The following ZNF653 variants were observed in gnomAD, a reference collection of about 807,000 sequenced individuals.
The protein encoded by ZNF653 is zinc finger protein 653.
A neutral mutation model predicts 59.9 loss-of-function variants in ZNF653; 37 were observed. The ratio of observed to expected loss-of-function variants is 0.62; its 90% CI spans 0.48 to 0.81. ZNF653 has a LOEUF of 0.81. Ranked by LOEUF, ZNF653 falls within the 40% of genes least tolerant of loss-of-function variation. The probability of loss-of-function intolerance (pLI) is 0.00; values close to 1 mark genes in which losing one functional copy is unlikely to be tolerated. For synonymous variants in ZNF653, 435 were observed against 371.8 expected, an observed-to-expected ratio of 1.17 and a Z score of -1.96; for missense variants, 808 against 881.1, an observed-to-expected ratio of 0.92 and a Z score of 1.05.
chr19:11,497,970 A>G (rs778961260), intron 2 of ZNF653, among the ~76,000 whole-genome samples: 2 of 152,052 alleles, frequency 1.3e-5, no homozygotes, highest in Non-Finnish European at 2.9e-5. Context: ...GCTCTCACCA[A>G]CTGGTGGCCA....
intron 1 of ZNF653, chr19:11,504,687 C>A (rs1281350129): frequency 2.1e-6 from 1 of 466,408 alleles, no homozygotes; most frequent in Non-Finnish European, 2.8e-6. Context: ...CCTTGCGGCA[C>A]TGCTTGTGAT....
chr19:11,486,371 C>A (rs1489827202), intron 6 of ZNF653, among the ~76,000 whole-genome samples: 1 of 152,186 alleles, frequency 6.6e-6, no homozygotes, highest in Admixed American at 6.5e-5. Context: ...AACTGAGGTT[C>A]AAGGCTCTGT....
intron 3 of ZNF653, among the ~76,000 whole-genome samples, chr19:11,490,170 C>T (rs1971515835): frequency 6.6e-6 from 1 of 152,194 alleles, no homozygotes; most frequent in Non-Finnish European, 1.5e-5. Context: ...GTTAGAACAA[C>T]TCACAGAACT....
rs535690745 is a variant in ZNF653, at chr19:11,492,754, C to T, written c.559+3196G>A. Among the ~76,000 whole-genome samples the T allele has an allele frequency of 2.6e-5, 4 of 152,284 alleles. No individual in the cohort carries two copies. In the East Asian group the frequency reaches 7.7e-4, roughly 29 times the overall value. On this transcript the variant is annotated intron_variant, in intron 3 of 8. Transcript: ENST00000293771. ...TGCAGAGCCCCCAGTGCCGAGAAGG[C>T]TGTGTGGTGCACAGTGAGGGCTCGT...
intron 3 of ZNF653, among the ~76,000 whole-genome samples, chr19:11,492,662 T>C (rs566549295): frequency 1.3e-5 from 2 of 152,206 alleles, no homozygotes; most frequent in East Asian, 3.9e-4. Context: ...ATATTTTTAT[T>C]GGTTTATCCT....
In ZNF653 at chr19:11,487,424, C is replaced by G. The variant is rs756913310; in HGVS notation, c.1039G>C (p.Gly347Arg). 9 of 1,612,256 alleles carry G rather than the reference C, an allele frequency of 5.6e-6. No individual in the cohort carries two copies. Among genetic ancestry groups the G allele is most frequent in the Non-Finnish European group, 6.8e-6 (8 of 1,179,944 alleles). Residue 347 changes from glycine (G) to arginine (R), a missense_variant, in exon 4 of 9, where the codon GGC becomes CGC. Physicochemically the swap from Gly to Arg is moderately radical, Grantham distance 125 (BLOSUM62 -2). Coordinates refer to ENST00000293771, the MANE Select transcript of ZNF653 (RefSeq NM_138783.4). The surrounding 1 kb of genome is among the most constrained non-coding windows in gnomAD (Gnocchi z 5.1). Reference protein sequence around the residue: ...LNMAAGSGVPGSGLGEEVPCA... With the variant: ...LNMAAGSGVPRSGLGEEVPCA... ...GGCACCTCCTCGCCCAGTCCACTGC[C>G]GGGGACACCGCTGCCTGCTGCCATG...
At chr19:11,505,418 G>T (rs906115098) in intron 1 of ZNF653, 70 bp downstream of exon 1, 20 of 1,345,876 alleles carry the variant, frequency 1.5e-5, no homozygotes, top group Non-Finnish European at 1.7e-5. Flanking sequence ...GAAGCGGAGG[G>T]GGCGGGGTAA....
chr19:11,483,587 G>T lies in ZNF653; in HGVS notation c.*95C>A. 6.8e-7 allele frequency: 1 copy of T among 1,471,932 alleles called. No individual in the cohort carries two copies. The highest frequency in any genetic ancestry group is 9.0e-7 in the Non-Finnish European group (1 of 1,106,460). The allele number at this position is 1,471,932 out of a possible 1,614,324, so 91.2% of individuals were successfully genotyped here. ...GCGGGGGCGCCTCCTTCCGGCCCGCGGTCCGGGCGGCCCTCGCAGCTGTCC... is the reference window on the plus strand; with the variant it reads ...GCGGGGGCGCCTCCTTCCGGCCCGCTGTCCGGGCGGCCCTCGCAGCTGTCC... On this transcript the variant is annotated 3_prime_UTR_variant, in exon 9 of 9. Transcript: ENST00000293771.
rs545308368 is a variant in ZNF653, at chr19:11,495,646, G to A, written c.559+304C>T. ...GCCCTGCCCCAGCAGGCCTGCCCCC[G>A]CCCCAGCTGCCAAGCCAGGGCTCCT... On this transcript the variant is annotated intron_variant, in intron 3 of 8. Coordinates refer to ENST00000293771, the MANE Select transcript of ZNF653 (RefSeq NM_138783.4). The surrounding 1 kb of genome is among the most constrained non-coding windows in gnomAD (Gnocchi z 4.9). The A allele has an allele frequency of 1.9e-5, 8 of 410,558 alleles. No individual in the cohort carries two copies. Among genetic ancestry groups the A allele is most frequent in the East Asian group, 1.0e-4 (2 of 19,088 alleles). 25.4% of individuals were successfully genotyped at this position (410,558 alleles called of 1,614,324 possible). A position where few individuals can be genotyped will look rare whatever the true frequency, so the allele number is the denominator to read the frequency against.
chr19:11,487,022 T>G lies in ZNF653; in HGVS notation c.1308A>C (p.Ser436=), dbSNP rs756161189. ...DGEELDGSDM[S]AIIYEIPKEP... ...CCTTGGGGATTTCATAGATGATGGC[T>G]GACATGTCGCTGCCGTCCAGCTCCT... The change falls in exon 5 of 9, where the codon TCA becomes TCC. Residue 436 remains serine (S), a synonymous_variant. Transcript: ENST00000293771. This position sits in a 1 kb window ranked among gnomAD's most constrained non-coding sequence, Gnocchi z 5.1. The G allele has an allele frequency of 3.1e-6, 5 of 1,614,140 alleles. No homozygotes were observed. In the East Asian group the frequency reaches 1.1e-4, roughly 36 times the overall value.
Position 11,491,705 on chromosome 19 carries a change from A to G in ZNF653, c.560-3802T>C, listed in dbSNP as rs372102257. On this transcript the variant is annotated intron_variant, in intron 3 of 8. Coordinates refer to ENST00000293771, the MANE Select transcript of ZNF653 (RefSeq NM_138783.4). Reference sequence around the variant, plus strand: ...CAGGTTCACACCATTCTCCTGCCTCAGCCTCCCAAGTAGCTGGGACTACAG... The same window carrying G: ...CAGGTTCACACCATTCTCCTGCCTCGGCCTCCCAAGTAGCTGGGACTACAG... Among the ~76,000 whole-genome samples the G allele has an allele frequency of 3.6e-4, 55 of 151,868 alleles. 1 individual carries two copies. In the South Asian group the frequency reaches 9.3e-3, roughly 26 times the overall value.
chr19:11,505,042 A>C (rs1373082659), intron 1 of ZNF653: 1 of 162,768 alleles, frequency 6.1e-6, no homozygotes, highest in African/African-American at 2.4e-5. Flanking sequence ...ACGGAGTCCC[A>C]GATGGGGCAC....
Position 11,505,773 on chromosome 19 carries a change from GC to G in ZNF653, c.13del (p.Ala5ArgfsTer2). The G allele has an allele frequency of 7.2e-7, 1 of 1,391,472 alleles. No homozygotes were observed. The highest frequency in any genetic ancestry group is 9.2e-7 in the Non-Finnish European group (1 of 1,082,622). The allele number at this position is 1,391,472 out of a possible 1,614,324, so 86.2% of individuals were successfully genotyped here. A position where few individuals can be genotyped will look rare whatever the true frequency, so the allele number is the denominator to read the frequency against. The stretch of plus-strand genomic sequence containing the variant: ...CTCCGCCTCCGCCTCGGGCTCTAGC[GC>G]CCGCTCCGCCATCCCCCCCACCCTG... MAER[A>X]LEPEAEAEAE... On this transcript the variant is annotated frameshift_variant, in exon 1 of 9. Transcript: ENST00000293771. LOFTEE classifies it high-confidence loss of function.
chr19:11,488,135 G>C (rs1971491314), intron 3 of ZNF653, among the ~76,000 whole-genome samples: 2 of 145,202 alleles, frequency 1.4e-5, no homozygotes, highest in Admixed American at 6.9e-5. Context: ...CTACAGGTGT[G>C]CGCCACCACA....
chr19:11,484,603 G>T (rs1423904513), intron 7 of ZNF653, among the ~76,000 whole-genome samples: 1 of 151,840 alleles, frequency 6.6e-6, no homozygotes, highest in Non-Finnish European at 1.5e-5. Flanking sequence ...TAGAGACGGG[G>T]TTTCTCTATG....
Position 11,491,778 on chromosome 19 carries a change from C to T in ZNF653, c.560-3875G>A, listed in dbSNP as rs568689343. Among the ~76,000 whole-genome samples, 30 of 152,000 alleles carry T rather than the reference C, an allele frequency of 2.0e-4. No individual in the cohort carries two copies. In the East Asian group the frequency reaches 3.7e-3, roughly 19 times the overall value. On this transcript the variant is annotated intron_variant, in intron 3 of 8. Transcript: ENST00000293771. ...ATTTTTAGTAGAGACAGGGTTTCACCGTGTTAGCCAGGATGGTCTCGATCT... is the reference window on the plus strand; with the variant it reads ...ATTTTTAGTAGAGACAGGGTTTCACTGTGTTAGCCAGGATGGTCTCGATCT...
intron 3 of ZNF653, among the ~76,000 whole-genome samples, chr19:11,489,004 AT>A (rs1568394300): frequency 6.6e-6 from 1 of 150,800 alleles, no homozygotes; most frequent in East Asian, 1.9e-4. Context: ...GGTTCAAGCG[AT>A]TCTCCTGCCT....
In ZNF653 at chr19:11,495,730, A is replaced by C. The variant is rs1971579727; in HGVS notation, c.559+220T>G. On this transcript the variant is annotated intron_variant, in intron 3 of 8. Coordinates refer to ENST00000293771, the MANE Select transcript of ZNF653 (RefSeq NM_138783.4). This position sits in a 1 kb window ranked among gnomAD's most constrained non-coding sequence, Gnocchi z 4.9. Reference sequence around the variant, plus strand: ...TGGGCACAGATTGGCAAACTGCTCCATAAAGAGGGACTGCCTCCCCACTCA... The same window carrying C: ...TGGGCACAGATTGGCAAACTGCTCCCTAAAGAGGGACTGCCTCCCCACTCA... The C allele has an allele frequency of 1.8e-6, 1 of 563,220 alleles. No individual in the cohort carries two copies. Among genetic ancestry groups the C allele is most frequent in the South Asian group, 2.0e-5 (1 of 49,670 alleles). The allele number at this position is 563,220 out of a possible 1,614,324, so 34.9% of individuals were successfully genotyped here. A position where few individuals can be genotyped will look rare whatever the true frequency, so the allele number is the denominator to read the frequency against.
intron 3 of ZNF653, among the ~76,000 whole-genome samples, chr19:11,492,197 C>G (rs1971536718): frequency 6.6e-6 from 1 of 152,118 alleles, no homozygotes; most frequent in Non-Finnish European, 1.5e-5. Flanking sequence ...CAGGCACACC[C>G]CACCATGCCC....
Sources: gnomAD v4.1 joint callset for allele counts (sites outside exome capture counted in the v4.1 genomes callset) on GRCh38, gnomAD v4.1.1 for gene constraint, Gnocchi (gnomAD v3.1) non-coding constraint, MANE v1.5 for transcripts, NCBI Gene and HGNC (gene_info 2026-07-23, HGNC 2026-07-21) for gene names.